Variants in SGK1 observed in about 807,000 individuals in gnomAD.
SGK1 encodes the protein serum/glucocorticoid regulated kinase 1.
SGK1 carries 26 observed loss-of-function variants against 64.2 expected under a neutral mutation model. The observed-to-expected ratio is 0.40, with a 90% CI of 0.30 to 0.56. The LOEUF is 0.56. Among genes scored for constraint, SGK1 ranks in the 20% least tolerant of loss-of-function variants. The pLI is 0.38. For synonymous variants in SGK1, 265 were observed against 239.7 expected (o/e 1.11, Z -0.98); for missense variants, 519 against 645.6 (o/e 0.80, Z 2.12).
intron 1 of SGK1, among the ~76,000 whole-genome samples, chr6:134,289,881 G>T (rs987117676): frequency 1.3e-5 from 2 of 152,052 alleles, no homozygotes; most frequent in Non-Finnish European, 2.9e-5. Context: ...TGGTGCAGTG[G>T]TTCATGCTTG....
chr6:134,297,373 C>T (rs1437949367), intron 1 of SGK1: 14 of 856,180 alleles, frequency 1.6e-5, no homozygotes, highest in African/African-American at 5.0e-5. Context: ...GACAGCTTGG[C>T]GTTGGCATCC....
intron 2 of SGK1, among the ~76,000 whole-genome samples, chr6:134,248,098 C>T (rs780781381): frequency 2.6e-5 from 4 of 152,016 alleles, no homozygotes; most frequent in Non-Finnish European, 4.4e-5. Flanking sequence ...GAAAAAAACA[C>T]TTGTTCACAT....
chr6:134,290,921 A>G (rs1450168895), intron 1 of SGK1, among the ~76,000 whole-genome samples: 1 of 152,130 alleles, frequency 6.6e-6, no homozygotes, highest in African/African-American at 2.4e-5. Flanking sequence ...CTCAGCACAT[A>G]TTCAGTCCTC....
At chr6:134,199,524 A>C (rs1446623323) in intron 3 of SGK1, among the ~76,000 whole-genome samples, 1 of 138,682 alleles carries the variant, frequency 7.2e-6, no homozygotes, top group Non-Finnish European at 1.5e-5. Flanking sequence ...GCGTCACTGC[A>C]CTCCAGACTG....
intron 11 of SGK1, 147 bp from the exon 12 acceptor site, chr6:134,171,325 T>G (rs1775016768): frequency 1.3e-6 from 1 of 780,948 alleles, no homozygotes; most frequent in Non-Finnish European, 2.1e-6. Context: ...TCCCTTGCTA[T>G]TTAAGTGTCT....
intron 1 of SGK1, among the ~76,000 whole-genome samples, chr6:134,295,906 T>A (rs1777340956): frequency 6.6e-6 from 1 of 152,170 alleles, no homozygotes. Context: ...CATGGCAATT[T>A]AGAAGGTAGA....
chr6:134,222,372 G>A (rs913671319), intron 2 of SGK1, among the ~76,000 whole-genome samples: 1 of 140,024 alleles, frequency 7.1e-6, no homozygotes, highest in South Asian at 2.2e-4. Flanking sequence ...TTTCACTCTT[G>A]TTGCCCAGGC....
chr6:134,250,045 AT>A (rs1310754683), intron 2 of SGK1, among the ~76,000 whole-genome samples: 4 of 152,054 alleles, frequency 2.6e-5, no homozygotes, highest in South Asian at 2.1e-4. Context: ...AAGTTCCTGA[AT>A]TTTTTTTCTC....
chr6:134,210,683 G>T (rs1180781920), intron 2 of SGK1, among the ~76,000 whole-genome samples: 1 of 151,484 alleles, frequency 6.6e-6, no homozygotes, highest in Non-Finnish European at 1.5e-5. Context: ...AATTAGCCGG[G>T]CATGGTGGCG....
chr6:134,187,226 G>A (rs893015211), intron 3 of SGK1, among the ~76,000 whole-genome samples: 1 of 152,124 alleles, frequency 6.6e-6, no homozygotes, highest in Non-Finnish European at 1.5e-5. Context: ...TTTTGATTCA[G>A]AGGCATGAGG....
chr6:134,293,559 C>G (rs189760723), intron 1 of SGK1, among the ~76,000 whole-genome samples: 1 of 152,248 alleles, frequency 6.6e-6, no homozygotes, highest in Admixed American at 6.5e-5. Flanking sequence ...ATAAGAACTT[C>G]TATCTTCTAC....
intron 2 of SGK1, among the ~76,000 whole-genome samples, chr6:134,227,871 ATTTCT>A (rs1171814084): frequency 6.8e-6 from 1 of 147,076 alleles, no homozygotes; most frequent in Non-Finnish European, 1.5e-5. Flanking sequence ...CTTTAAATAT[ATTTCT>A]TTTAACTCTA....
chr6:134,186,942 G>A (rs143127647), intron 3 of SGK1, among the ~76,000 whole-genome samples: 14 of 151,758 alleles, frequency 9.2e-5, no homozygotes, highest in African/African-American at 2.7e-4. Context: ...TCAGCCTCCC[G>A]AGTAGCTGGG....
intron 3 of SGK1, among the ~76,000 whole-genome samples, chr6:134,192,601 C>T (rs1775532241): frequency 6.6e-6 from 1 of 151,322 alleles, no homozygotes; most frequent in Admixed American, 6.6e-5. Context: ...CATCCATCCC[C>T]CCTCCCCCCA....
intron 2 of SGK1, among the ~76,000 whole-genome samples, chr6:134,215,676 T>G (rs144890026): frequency 0.066 from 10,038 of 151,612 alleles, 395 homozygotes; most frequent in Non-Finnish European, 0.09. Context: ...AGGTCAGGAG[T>G]TCCAGACCAG....
In SGK1 at chr6:134,172,715, AG is replaced by A; in HGVS notation, c.893del (p.Ala298ValfsTer4). On this transcript the variant is annotated frameshift_variant, in exon 9 of 14. Coordinates refer to ENST00000367858, the MANE Select transcript of SGK1 (RefSeq NM_001143676.3). LOFTEE classifies it high-confidence loss of function. ...CFLEPRARFY[A>X]AEIASALGYL... is the part of the protein sequence containing the mutation. ...AGCCCAAGGCACTGGCTATTTCAGCAGCATAGAAACGAGCCCGTGGTTCCAG... is the reference window on the plus strand; with the variant it reads ...AGCCCAAGGCACTGGCTATTTCAGCACATAGAAACGAGCCCGTGGTTCCAG... The A allele has an allele frequency of 6.2e-7, 1 of 1,614,196 alleles. No homozygotes were observed. Among genetic ancestry groups the A allele is most frequent in the Non-Finnish European group, 8.5e-7 (1 of 1,179,984 alleles).
At chr6:134,262,571 G>A (rs1404562119) in intron 1 of SGK1, among the ~76,000 whole-genome samples, 1 of 151,602 alleles carries the variant, frequency 6.6e-6, no homozygotes, top group Non-Finnish European at 1.5e-5. Context: ...AATTAGCCAG[G>A]CCTGGTGGTA....
chr6:134,314,795 T>G (rs78835558), intron 1 of SGK1, among the ~76,000 whole-genome samples: 35 of 142,094 alleles, frequency 2.5e-4, no homozygotes, highest in African/African-American at 5.2e-4. Flanking sequence ...CCCTATGGTT[T>G]TTTTTTTTTT....
At chr6:134,294,003 G>A (rs7760604) in intron 1 of SGK1, among the ~76,000 whole-genome samples, 27 of 152,170 alleles carry the variant, frequency 1.8e-4, no homozygotes, top group African/African-American at 5.1e-4. Context: ...TCACTTTTGC[G>A]CCCACTGACA....
Sources: allele counts gnomAD v4.1 joint callset (sites outside exome capture counted in the v4.1 genomes callset), GRCh38; gene constraint gnomAD v4.1.1; transcripts MANE v1.5; gene names NCBI Gene and HGNC (gene_info 2026-07-23, HGNC 2026-07-21).